Variants in EIF2B3 observed in about 807,000 individuals in gnomAD.
EIF2B3 encodes the protein translation initiation factor eIF2B subunit gamma.
Under a neutral mutation model 54.1 loss-of-function variants are expected in EIF2B3, and 20 were observed. The ratio of observed to expected loss-of-function variants is 0.37; its 90% confidence interval spans 0.26 to 0.54. The LOEUF (loss-of-function observed/expected upper bound fraction) is 0.54. Ranked by LOEUF, EIF2B3 falls within the 20% of genes least tolerant of loss-of-function variation. The pLI is 0.86. For missense variants in EIF2B3, 448 were observed against 547.8 expected, an observed-to-expected ratio of 0.82 and a Z score of 1.82; for synonymous variants, 153 against 188.1, an observed-to-expected ratio of 0.81 and a Z score of 1.52.
intron 3 of EIF2B3, among the ~76,000 whole-genome samples, chr1:44,963,559 T>C (rs1034401888): frequency 2.0e-5 from 3 of 152,184 alleles, no homozygotes; most frequent in Non-Finnish European, 1.5e-5. Flanking sequence ...CATGAGCCAC[T>C]GTGCCTGGCC....
At chr1:44,896,017 T>C (rs1442270716) in intron 6 of EIF2B3, among the ~76,000 whole-genome samples, 1 of 152,162 alleles carries the variant, frequency 6.6e-6, no homozygotes, top group Non-Finnish European at 1.5e-5. Flanking sequence ...GAGAAATAGC[T>C]CTTGGATCAC....
chr1:44,907,622 C>T (rs1041576990), intron 5 of EIF2B3, among the ~76,000 whole-genome samples: 11 of 143,762 alleles, frequency 7.7e-5, no homozygotes, highest in African/African-American at 2.9e-4. Flanking sequence ...TGGTCACAGC[C>T]GGGCACGGTG....
At chr1:44,854,034 G>C (rs1300168768) in intron 11 of EIF2B3, among the ~76,000 whole-genome samples, 4 of 132,330 alleles carry the variant, frequency 3.0e-5, no homozygotes. Flanking sequence ...ATGGAGTCTT[G>C]CTCTGTTGCC....
chr1:44,907,133 C>T (rs369562869), intron 5 of EIF2B3, among the ~76,000 whole-genome samples: 1 of 152,218 alleles, frequency 6.6e-6, no homozygotes, highest in Non-Finnish European at 1.5e-5. Context: ...TTACTTCTTA[C>T]CTGGATTACT....
chr1:44,854,589 CTTT>C (rs34735930), intron 11 of EIF2B3, among the ~76,000 whole-genome samples: 3 of 136,720 alleles, frequency 2.2e-5, no homozygotes. Context: ...TGCATTATGT[CTTT>C]TTTTTTTTTT....
chr1:44,876,018 G>C (rs550339836), intron 8 of EIF2B3, among the ~76,000 whole-genome samples: 79 of 152,334 alleles, frequency 5.2e-4, no homozygotes, highest in Middle Eastern at 6.8e-3. Flanking sequence ...GCTCCTAACC[G>C]CGAGTGATCC....
intron 4 of EIF2B3, among the ~76,000 whole-genome samples, chr1:44,935,593 G>A (rs1294763842): frequency 3.3e-5 from 5 of 152,168 alleles, no homozygotes; most frequent in South Asian, 4.1e-4. Context: ...TCTGCCTCCC[G>A]GGTTCAAGCA....
intron 3 of EIF2B3, among the ~76,000 whole-genome samples, chr1:44,965,799 C>A (rs1644331535): frequency 6.6e-6 from 1 of 151,734 alleles, no homozygotes; most frequent in South Asian, 2.1e-4. Context: ...ACTACTATGC[C>A]CAGCTAATTT....
chr1:44,888,446 C>G (rs769152720), intron 6 of EIF2B3, among the ~76,000 whole-genome samples: 7 of 151,418 alleles, frequency 4.6e-5, no homozygotes, highest in Non-Finnish European at 8.8e-5. Flanking sequence ...GTAAAAATTT[C>G]TTGCCAGTCA....
At chr1:44,942,377 TTATA>T (rs1170326455) in intron 3 of EIF2B3, among the ~76,000 whole-genome samples, 753 of 21,556 alleles carry the variant, frequency 0.035, 39 homozygotes, top group Non-Finnish European at 0.043. Context: ...CTTTCTGATT[TTATA>T]TATATATATA....
intron 5 of EIF2B3, among the ~76,000 whole-genome samples, chr1:44,903,111 T>C (rs1643346650): frequency 6.6e-6 from 1 of 152,124 alleles, no homozygotes; most frequent in African/African-American, 2.4e-5. Flanking sequence ...TTTGCTTTAA[T>C]TTAAAGAAAG....
At chr1:44,874,551 T>G (rs759520976) in intron 10 of EIF2B3, 127 bp downstream of exon 10, 64 of 972,820 alleles carry the variant, frequency 6.6e-5, no homozygotes, top group Admixed American at 3.3e-4. Flanking sequence ...AATGTTTTTA[T>G]TCTATTGCCC....
intron 10 of EIF2B3, among the ~76,000 whole-genome samples, chr1:44,869,706 T>C (rs1014948636): frequency 1.4e-5 from 2 of 147,942 alleles, no homozygotes; most frequent in African/African-American, 5.0e-5. Context: ...GTTCAAGCGA[T>C]TCTTCTGCCT....
intron 4 of EIF2B3, 25 bp downstream of exon 4, chr1:44,941,481 C>A: frequency 1.9e-6 from 3 of 1,585,176 alleles, no homozygotes; most frequent in East Asian, 2.2e-5. Context: ...ACTCAACAAA[C>A]AAAACAAACT....
At chr1:44,940,138 C>T (rs539287508) in intron 4 of EIF2B3, among the ~76,000 whole-genome samples, 12 of 152,036 alleles carry the variant, frequency 7.9e-5, no homozygotes, top group Non-Finnish European at 1.8e-4. Flanking sequence ...TTTAACCAAA[C>T]GTCCTAAAAT....
chr1:44,911,163 T>C (rs1643507105), intron 5 of EIF2B3, among the ~76,000 whole-genome samples: 1 of 152,190 alleles, frequency 6.6e-6, no homozygotes, highest in Non-Finnish European at 1.5e-5. Flanking sequence ...AATCTGAATC[T>C]AATTAGCTTT....
chr1:44,982,331 C>T lies in EIF2B3; in HGVS notation c.-9-1154G>A, dbSNP rs530729028. Among the ~76,000 whole-genome samples the T allele has an allele frequency of 3.3e-5, 5 of 152,330 alleles. 1 individual carries two copies. The South Asian group carries it at 1.0e-3, about 32-fold the overall frequency. On this transcript the variant is annotated intron_variant, in intron 1 of 11. Transcript: ENST00000360403. ...ATTTATTTTTGGAGATGGAATTTCA[C>T]TCTTGTTGCCAGGCTGGAGTGCAAT...
At chr1:44,972,415 C>T (rs1191356578) in intron 3 of EIF2B3, 10 of 151,990 alleles carry the variant, frequency 6.6e-5, no homozygotes, top group Non-Finnish European at 1.5e-4. Flanking sequence ...CCAGCCTGAC[C>T]AACATGGAGA....
chr1:44,910,644 TTTTTTTTTTTTTTA>T (rs912961891), intron 5 of EIF2B3, among the ~76,000 whole-genome samples: 3 of 119,638 alleles, frequency 2.5e-5, no homozygotes, highest in African/African-American at 1.2e-4. Flanking sequence ...TTTTTTTTTT[TTTTTTTTTTTTTTA>T]AAAGAGAGAA....
Sources: gnomAD v4.1 joint callset for allele counts (sites outside exome capture counted in the v4.1 genomes callset) on GRCh38, gnomAD v4.1.1 for gene constraint, MANE v1.5 for transcripts, NCBI Gene and HGNC (gene_info 2026-07-23, HGNC 2026-07-21) for gene names.